RBFOX1: variants seen among roughly 807,000 people sequenced by gnomAD.
RBFOX1 encodes RNA binding fox-1 homolog 1.
A neutral mutation model predicts 57.7 loss-of-function variants in RBFOX1; 8 were observed. The ratio of observed to expected loss-of-function variants is 0.14; its 90% confidence interval spans 0.08 to 0.25. RBFOX1 has a LOEUF of 0.25. Ranked by LOEUF, RBFOX1 falls within the 10% of genes least tolerant of loss-of-function variation. The probability of loss-of-function intolerance (pLI) is 1.00; values close to 1 mark genes in which losing one functional copy is unlikely to be tolerated. For missense variants in RBFOX1, 611 were observed against 548.5 expected, an observed-to-expected ratio of 1.11 and a Z score of -1.14; for synonymous variants, 326 against 222.4, an observed-to-expected ratio of 1.47 and a Z score of -4.15.
intron 1 of RBFOX1, among the ~76,000 whole-genome samples, chr16:6,280,343 C>T (rs1321945230): frequency 6.6e-6 from 1 of 152,134 alleles, no homozygotes; most frequent in Non-Finnish European, 1.5e-5. Context: ...TTGTTTTCCT[C>T]TCTCTTCCTT....
At chr16:6,912,807 A>T (rs1274829104) in intron 3 of RBFOX1, among the ~76,000 whole-genome samples, 1 of 151,148 alleles carries the variant, frequency 6.6e-6, no homozygotes, top group African/African-American at 2.4e-5. Context: ...TTTAAGACAG[A>T]CTTTGTCCCA....
intron 3 of RBFOX1, among the ~76,000 whole-genome samples, chr16:6,723,463 T>C (rs17141087): frequency 2.0e-5 from 3 of 152,174 alleles, no homozygotes; most frequent in Non-Finnish European, 4.4e-5. Context: ...CATAATGTTA[T>C]GTATTATAGT....
At chr16:5,240,493 G>C (rs886279183) in intron 1 of RBFOX1, among the ~76,000 whole-genome samples, 1 of 152,262 alleles carries the variant, frequency 6.6e-6, no homozygotes, top group Admixed American at 6.5e-5. Context: ...GCTTATGGTG[G>C]GGGTAGAGGG....
chr16:6,025,185 C>T (rs909297987), intron 1 of RBFOX1, among the ~76,000 whole-genome samples: 7 of 152,280 alleles, frequency 4.6e-5, no homozygotes, highest in Middle Eastern at 3.4e-3. Context: ...CCTTCCTGGC[C>T]GGCCGGCTCT....
At chr16:6,164,034 CTTCTT>C in intron 1 of RBFOX1, among the ~76,000 whole-genome samples, 1 of 150,856 alleles carries the variant, frequency 6.6e-6, no homozygotes, top group Non-Finnish European at 1.5e-5. Context: ...TAGTTGAAAT[CTTCTT>C]ATTTAACAAA....
intron 4 of RBFOX1, among the ~76,000 whole-genome samples, chr16:6,010,660 C>G (rs2094955917): frequency 6.6e-6 from 1 of 152,174 alleles, no homozygotes; most frequent in Admixed American, 6.5e-5. Flanking sequence ...TAGAAGAACC[C>G]TATCAGAGAA....
intron 3 of RBFOX1, among the ~76,000 whole-genome samples, chr16:7,018,909 A>C (rs564425590): frequency 7.9e-5 from 12 of 152,310 alleles, no homozygotes; most frequent in African/African-American, 2.6e-4. Flanking sequence ...TCTTGAGCTC[A>C]GGAGTTCAAG....
At chr16:7,047,826 T>C (rs1183968174) in intron 3 of RBFOX1, among the ~76,000 whole-genome samples, 4 of 151,268 alleles carry the variant, frequency 2.6e-5, no homozygotes, top group African/African-American at 7.3e-5. Context: ...TCTTCTGTTG[T>C]CTTCATTCTG....
rs769603910 is a variant in RBFOX1, at chr16:6,248,210, A to T, written c.-126-68785A>T. 3.3e-4 allele frequency among the ~76,000 whole-genome samples: 50 copies of T among 152,194 alleles called. 1 individual carries two copies. Among genetic ancestry groups the T allele is most frequent in the Non-Finnish European group, 1.2e-4 (8 of 68,036 alleles). ...GGAAATAGAATAGGTTATGTTTTTA[A>T]TGTATTTAAGATTGGAGGCCTAGAA... On this transcript the variant is annotated intron_variant, in intron 1 of 15. Coordinates refer to ENST00000550418, the MANE Select transcript of RBFOX1 (RefSeq NM_018723.4).
chr16:7,638,103 C>A (rs2062073180), intron 11 of RBFOX1, among the ~76,000 whole-genome samples: 1 of 152,126 alleles, frequency 6.6e-6, no homozygotes, highest in South Asian at 2.1e-4. Context: ...GGTGTTTCCT[C>A]CCTTCCACCC....
chr16:6,029,548 T>C (rs1054507501), intron 1 of RBFOX1, among the ~76,000 whole-genome samples: 1 of 149,018 alleles, frequency 6.7e-6, no homozygotes, highest in Non-Finnish European at 1.5e-5. Context: ...CTGAGGCGGG[T>C]GGATCACGAG....
intron 3 of RBFOX1, among the ~76,000 whole-genome samples, chr16:5,735,182 C>A (rs1451045423): frequency 6.6e-6 from 1 of 152,108 alleles, no homozygotes; most frequent in Non-Finnish European, 1.5e-5. Context: ...TATGATGGAA[C>A]CACCTTTTAA....
chr16:6,871,343 G>A (rs550519256), intron 3 of RBFOX1, among the ~76,000 whole-genome samples: 13 of 152,110 alleles, frequency 8.5e-5, no homozygotes, highest in South Asian at 4.2e-4. Flanking sequence ...GTGCCATCAC[G>A]CCTGGCTAAT....
At chr16:6,228,170 G>C (rs2097431458) in intron 1 of RBFOX1, among the ~76,000 whole-genome samples, 1 of 151,988 alleles carries the variant, frequency 6.6e-6, no homozygotes, top group African/African-American at 2.4e-5. Context: ...AAATATCTAG[G>C]CTTGGTGACA....
intron 2 of RBFOX1, among the ~76,000 whole-genome samples, chr16:5,489,877 C>T (rs2042767664): frequency 6.6e-6 from 1 of 152,258 alleles, no homozygotes; most frequent in Non-Finnish European, 1.5e-5. Context: ...CAGACCTGGG[C>T]ATTCCAGGTA....
chr16:6,918,472 A>G (rs868684128), intron 3 of RBFOX1, among the ~76,000 whole-genome samples: 11 of 152,104 alleles, frequency 7.2e-5, no homozygotes, highest in African/African-American at 1.9e-4. Context: ...CTTAAATCCA[A>G]TCAAATTAAT....
At chr16:5,843,833 C>G (rs542534613) in intron 3 of RBFOX1, among the ~76,000 whole-genome samples, 19 of 152,272 alleles carry the variant, frequency 1.2e-4, no homozygotes, top group Admixed American at 1.1e-3. Flanking sequence ...GCTGCTGGCA[C>G]CAATGAGAGA....
At chr16:7,240,349 A>G (rs2093993658) in intron 4 of RBFOX1, among the ~76,000 whole-genome samples, 1 of 152,186 alleles carries the variant, frequency 6.6e-6, no homozygotes, top group Non-Finnish European at 1.5e-5. Flanking sequence ...CTTTACATAT[A>G]TTAATGATCT....
At chr16:7,005,301 C>G (rs371742381) in intron 3 of RBFOX1, among the ~76,000 whole-genome samples, 1 of 152,180 alleles carries the variant, frequency 6.6e-6, no homozygotes, top group Non-Finnish European at 1.5e-5. Context: ...TTCCAGTCAT[C>G]TTCCTCCCTT....
Sources: gnomAD v4.1 joint callset for allele counts (sites outside exome capture counted in the v4.1 genomes callset) on GRCh38, gnomAD v4.1.1 for gene constraint, MANE v1.5 for transcripts, NCBI Gene and HGNC (gene_info 2026-07-23, HGNC 2026-07-21) for gene names.